Variants in SLC1A1 observed in about 807,000 individuals in gnomAD.
The protein encoded by SLC1A1 is excitatory amino acid transporter 3.
Under a neutral mutation model 53.3 loss-of-function variants are expected in SLC1A1, and 43 were observed. The observed-to-expected ratio is 0.81, with a 90% CI of 0.63 to 1.04. The LOEUF is 1.04. SLC1A1 is among the 50% of genes least tolerant of loss of function. SLC1A1 has a pLI of 0.00. For synonymous variants in SLC1A1, 307 were observed against 243.2 expected, an observed-to-expected ratio of 1.26 and a Z score of -2.44; for missense variants, 748 against 664.9, an observed-to-expected ratio of 1.12 and a Z score of -1.37.
At chr9:4,510,562 C>A (rs1182133275) in intron 1 of SLC1A1, among the ~76,000 whole-genome samples, 1 of 152,128 alleles carries the variant, frequency 6.6e-6, no homozygotes, top group Non-Finnish European at 1.5e-5. Context: ...ATCATCTGGA[C>A]CTGTTGTCTC....
rs1046959406 is a variant in SLC1A1, at chr9:4,585,566, G to A, written c.*8G>A. On this transcript the variant is annotated 3_prime_UTR_variant, in exon 12 of 12. Coordinates refer to ENST00000262352, the MANE Select transcript of SLC1A1 (RefSeq NM_004170.6). ...CAGACCTCACAGTTCTAGGGCCCCT[G>A]GCTGCAGATGACTGGAAACAAGGAA... is the stretch of plus-strand genomic sequence containing the variant. The A allele has an allele frequency of 1.9e-6, 3 of 1,614,040 alleles. No homozygotes were observed. The highest frequency in any genetic ancestry group is 2.7e-5 in the African/African-American group (2 of 74,914).
At position 4,561,520 on chromosome 9, in the gene SLC1A1, ACT is replaced by A; in HGVS notation, c.308_309del (p.Leu103HisfsTer23). ...LRAVVYYFCT[T>X]LIAVILGIVL... ...CGCTGTCGTGTATTATTTCTGTACC[ACT>A]CTCATTGCTGTTATTCTAGGTAATA... On this transcript the variant is annotated frameshift_variant, in exon 3 of 12. Transcript: ENST00000262352. LOFTEE classifies it high-confidence loss of function. 6.3e-7 allele frequency: 1 copy of A among 1,594,252 alleles called. No homozygotes were observed. Among genetic ancestry groups the A allele is most frequent in the Non-Finnish European group, 8.6e-7 (1 of 1,162,400 alleles).
intron 6 of SLC1A1, 36 bp downstream of exon 6, chr9:4,567,803 G>C: frequency 8.1e-7 from 1 of 1,241,680 alleles, no homozygotes; most frequent in Non-Finnish European, 1.2e-6. Context: ...TTCCCCAGGA[G>C]ACAGGCACTG....
chr9:4,528,940 T>C (rs907738296), intron 1 of SLC1A1, among the ~76,000 whole-genome samples: 2 of 152,088 alleles, frequency 1.3e-5, no homozygotes, highest in African/African-American at 4.8e-5. Flanking sequence ...ACTATCCATA[T>C]TACCCACTTT....
rs113468582 is a variant in SLC1A1, at chr9:4,561,035, T to C, written c.233-414T>C. Among the ~76,000 whole-genome samples, 1,203 of 152,030 alleles carry C rather than the reference T, an allele frequency of 7.9e-3. 16 individuals are homozygous for C. Among genetic ancestry groups the C allele is most frequent in the African/African-American group, 0.027 (1,131 of 41,400 alleles). ...AACAAACAACAACAACAACAAACGA[T>C]CTCAGTTCTTTGAGATAAATTTTTC... On this transcript the variant is annotated intron_variant, in intron 2 of 11. Coordinates refer to ENST00000262352, the MANE Select transcript of SLC1A1 (RefSeq NM_004170.6).
intron 1 of SLC1A1, among the ~76,000 whole-genome samples, chr9:4,537,491 G>A (rs540892674): frequency 0.011 from 995 of 88,998 alleles, 304 homozygotes; most frequent in Non-Finnish European, 0.02. Context: ...CCCGGGAAGC[G>A]GAGCTTGCAG....
At chr9:4,547,042 A>G (rs1038255296) in intron 2 of SLC1A1, among the ~76,000 whole-genome samples, 3 of 152,240 alleles carry the variant, frequency 2.0e-5, no homozygotes, top group Admixed American at 1.3e-4. Context: ...AAGAAAAGGT[A>G]AAAATACATG....
intron 2 of SLC1A1, among the ~76,000 whole-genome samples, chr9:4,548,484 G>A (rs567027108): frequency 9.9e-5 from 15 of 152,012 alleles, no homozygotes; most frequent in Non-Finnish European, 2.1e-4. Flanking sequence ...CTGCATAAAG[G>A]AAACTCTCTT....
At chr9:4,527,716 C>G (rs1017924665) in intron 1 of SLC1A1, among the ~76,000 whole-genome samples, 2 of 151,998 alleles carry the variant, frequency 1.3e-5, no homozygotes, top group Non-Finnish European at 2.9e-5. Context: ...ATGCGAACAT[C>G]TCTATTATAT....
chr9:4,518,208 C>G (rs1308056372), intron 1 of SLC1A1, among the ~76,000 whole-genome samples: 1 of 129,928 alleles, frequency 7.7e-6, no homozygotes, highest in Non-Finnish European at 1.6e-5. Flanking sequence ...GCACTCCAGC[C>G]TAGGTGAAAG....
chr9:4,550,795 C>T (rs1219591921), intron 2 of SLC1A1, among the ~76,000 whole-genome samples: 1 of 152,150 alleles, frequency 6.6e-6, no homozygotes, highest in Non-Finnish European at 1.5e-5. Flanking sequence ...GAGTTGGTTG[C>T]CTTTCAAGCA....
intron 1 of SLC1A1, among the ~76,000 whole-genome samples, chr9:4,498,409 T>C (rs1178414816): frequency 1.3e-5 from 2 of 152,136 alleles, no homozygotes; most frequent in East Asian, 1.9e-4. Context: ...ATTTAAAATA[T>C]TTGCAAAGTA....
At chr9:4,561,049 G>C (rs990715547) in intron 2 of SLC1A1, among the ~76,000 whole-genome samples, 2 of 152,136 alleles carry the variant, frequency 1.3e-5, no homozygotes, top group Admixed American at 6.6e-5. Flanking sequence ...AGTTCTTTGA[G>C]ATAAATTTTT....
At chr9:4,553,364 CTTT>C (rs33971780) in intron 2 of SLC1A1, 6 of 110,170 alleles carry the variant, frequency 5.4e-5, no homozygotes, top group Admixed American at 1.1e-4. Flanking sequence ...CCCACCGCTT[CTTT>C]TTTTTTTTTT....
intron 1 of SLC1A1, among the ~76,000 whole-genome samples, chr9:4,519,079 T>C (rs1245123356): frequency 6.6e-6 from 1 of 152,214 alleles, no homozygotes; most frequent in African/African-American, 2.4e-5. Flanking sequence ...GTTTATTAGT[T>C]TGCAGGACTG....
At chr9:4,573,859 G>A in intron 7 of SLC1A1, 48 bp from the exon 8 acceptor site, 6 of 1,320,276 alleles carry the variant, frequency 4.5e-6, no homozygotes, top group Non-Finnish European at 6.6e-6. Context: ...CCTAGCATGA[G>A]AAAGCACTTG....
rs186341158 is a variant in SLC1A1 at position 4,545,031 on chromosome 9, G to C, written c.232+324G>C. Among the ~76,000 whole-genome samples, 287 of 152,266 alleles carry C rather than the reference G, an allele frequency of 1.9e-3. 2 individuals are homozygous for C. The highest frequency in any genetic ancestry group is 6.7e-3 in the African/African-American group (278 of 41,552). ...ACTATGATTCAATTACCTCCACCTG[G>C]TCTCTCCCTTGACACCTGGGGATTA... On this transcript the variant is annotated intron_variant, in intron 2 of 11. Transcript: ENST00000262352.
rs76083292 is a variant in SLC1A1, at chr9:4,513,637, T to C, written c.91+22867T>C. On this transcript the variant is annotated intron_variant, in intron 1 of 11. Coordinates refer to ENST00000262352, the MANE Select transcript of SLC1A1 (RefSeq NM_004170.6). ...ATGGTACAGCCACTCTAAAAAACAA[T>C]TTGGCACTTTCTTATCACCTTAAAT... Among the ~76,000 whole-genome samples, 726 of 152,208 alleles carry C rather than the reference T, an allele frequency of 4.8e-3. 4 individuals are homozygous for C. The highest frequency in any genetic ancestry group is 7.5e-3 in the Non-Finnish European group (513 of 68,000).
intron 8 of SLC1A1, among the ~76,000 whole-genome samples, chr9:4,575,634 C>A (rs73641476): frequency 1.6e-3 from 250 of 152,204 alleles, no homozygotes; most frequent in African/African-American, 5.8e-3. Flanking sequence ...AAGGGGGATG[C>A]CTATCTGAGT....
Sources: allele counts gnomAD v4.1 joint callset (sites outside exome capture counted in the v4.1 genomes callset), GRCh38; gene constraint gnomAD v4.1.1; transcripts MANE v1.5; gene names NCBI Gene and HGNC (gene_info 2026-07-23, HGNC 2026-07-21).